The following UQCRC2 variants were observed in gnomAD, a reference collection of about 807,000 sequenced individuals.
The protein encoded by UQCRC2 is ubiquinol-cytochrome c reductase core protein 2.
A neutral mutation model predicts 55.6 loss-of-function variants in UQCRC2; 49 were observed. That is an observed-to-expected ratio of 0.88 (90% CI 0.70 to 1.12). The LOEUF (loss-of-function observed/expected upper bound fraction) is 1.12. Among genes scored for constraint, UQCRC2 ranks in the 50% most tolerant of loss-of-function variants. The pLI is 0.00. For missense variants in UQCRC2, 506 were observed against 547.8 expected (o/e 0.92, Z 0.76); for synonymous variants, 193 against 192.0 (o/e 1.01, Z -0.04).
At chr16:21,969,308 C>T (rs771433345) in intron 8 of UQCRC2, among the ~76,000 whole-genome samples, 13 of 151,982 alleles carry the variant, frequency 8.6e-5, no homozygotes, top group East Asian at 3.9e-4. Context: ...CTGAGGCGGG[C>T]GGATCACCTG....
rs764691789 is a variant in UQCRC2, at chr16:21,976,256, AT to A, written c.1124+15del. On this transcript the variant is annotated intron_variant, in intron 12 of 13. Coordinates refer to ENST00000268379, the MANE Select transcript of UQCRC2 (RefSeq NM_003366.4). ...TCCAAGCTGCCAAGTAAGTCTCAGT[AT>A]TAACTGTGTTTTATGTTTTTGTTAT... 1 of 1,598,498 alleles carries A rather than the reference AT, an allele frequency of 6.3e-7. No individual in the cohort carries two copies. The highest frequency in any genetic ancestry group is 2.2e-5 in the East Asian group (1 of 44,776).
rs202168192 is a variant in UQCRC2 at position 21,962,883 on chromosome 16, C to T, written c.512C>T (p.Thr171Ile). The change falls in exon 6 of 14, where the codon ACT becomes ATT. Residue 171 changes from threonine to isoleucine, a missense_variant and splice_region_variant. Transcript: ENST00000268379. Reference sequence around the variant, plus strand: ...GCTGTGGCCTTTCAGAATCCGCAGACTCGTAAGTACATTTCCAGATCACAT... The same window carrying T: ...GCTGTGGCCTTTCAGAATCCGCAGATTCGTAAGTACATTTCCAGATCACAT... ...DKAVAFQNPQ[T>I]HVIENLHAAA... The T allele has an allele frequency of 6.2e-7, 1 of 1,613,712 alleles. No individual in the cohort carries two copies. Among genetic ancestry groups the T allele is most frequent in the African/African-American group, 1.3e-5 (1 of 75,002 alleles).
At chr16:21,955,857 C>T (rs1248655306) in intron 1 of UQCRC2, among the ~76,000 whole-genome samples, 1 of 151,722 alleles carries the variant, frequency 6.6e-6, no homozygotes. Flanking sequence ...CGGAGTTTTG[C>T]TCTTGTTGCC....
chr16:21,976,062 G>A, intron 11 of UQCRC2, 105 bp from the exon 12 acceptor site: 1 of 720,572 alleles, frequency 1.4e-6, no homozygotes, highest in South Asian at 1.7e-5. Flanking sequence ...TGTTTGTCTG[G>A]AACTAACCTT....
At chr16:21,969,782 A>G (rs1197075222) in intron 8 of UQCRC2, among the ~76,000 whole-genome samples, 1 of 152,064 alleles carries the variant, frequency 6.6e-6, no homozygotes, top group East Asian at 1.9e-4. Context: ...GGGTGTGTTC[A>G]TCATCCCCCC....
intron 13 of UQCRC2, 119 bp from the exon 14 acceptor site, chr16:21,982,963 CAAAAAA>C: frequency 5.6e-4 from 299 of 529,222 alleles, no homozygotes; most frequent in East Asian, 1.0e-3. Context: ...GACTCCACCT[CAAAAAA>C]AAAAAAAAAA....
chr16:21,972,876 C>T (rs375620521), intron 10 of UQCRC2, among the ~76,000 whole-genome samples: 5 of 152,112 alleles, frequency 3.3e-5, no homozygotes, highest in African/African-American at 7.2e-5. Context: ...CCAAGTTGGG[C>T]GGATCACAAG....
intron 1 of UQCRC2, among the ~76,000 whole-genome samples, chr16:21,954,991 G>A (rs1361042720): frequency 1.4e-5 from 2 of 142,244 alleles, no homozygotes; most frequent in South Asian, 4.3e-4. Flanking sequence ...GGAGGCGGAG[G>A]TTGCAGTGAG....
intron 13 of UQCRC2, 32 bp from the exon 14 acceptor site, chr16:21,983,056 G>C (rs778356009): frequency 6.3e-7 from 1 of 1,595,570 alleles, no homozygotes; most frequent in African/African-American, 1.4e-5. Context: ...TTTTATTTTT[G>C]TTAATTTTGT....
intron 4 of UQCRC2, among the ~76,000 whole-genome samples, chr16:21,961,626 TTATA>T (rs67999727): frequency 0.03 from 1,935 of 64,306 alleles, 56 homozygotes; most frequent in Non-Finnish European, 0.057. Flanking sequence ...AACATAAAAT[TTATA>T]TATATATATA....
intron 10 of UQCRC2, 150 bp from the exon 11 acceptor site, chr16:21,973,746 A>G: frequency 1.5e-6 from 1 of 664,382 alleles, no homozygotes; most frequent in Admixed American, 3.1e-5. Context: ...TTTACAGAAT[A>G]CTTCAGTTCG....
At chr16:21,954,918 G>A (rs551564950) in intron 1 of UQCRC2, among the ~76,000 whole-genome samples, 1 of 151,692 alleles carries the variant, frequency 6.6e-6, no homozygotes, top group Non-Finnish European at 1.5e-5. Context: ...CGGGCGTGGT[G>A]GTGGTGGGCG....
intron 11 of UQCRC2, 42 bp from the exon 12 acceptor site, chr16:21,976,125 T>A: frequency 7.0e-7 from 1 of 1,430,018 alleles, no homozygotes; most frequent in Non-Finnish European, 9.9e-7. Context: ...CAGGAGACTC[T>A]GGTACTGACC....
intron 6 of UQCRC2, 64 bp from the exon 7 acceptor site, chr16:21,965,344 G>A (rs1898300329): frequency 1.3e-6 from 2 of 1,506,610 alleles, no homozygotes. Context: ...TGCTTTCTAG[G>A]TTTTAAAAAT....
Position 21,962,451 on chromosome 16 carries a change from C to A in UQCRC2, c.333-9C>A. 6.2e-7 allele frequency: 1 copy of A among 1,614,056 alleles called. No homozygotes were observed. Among genetic ancestry groups the A allele is most frequent in the Non-Finnish European group, 8.5e-7 (1 of 1,179,952 alleles). On this transcript the variant is annotated splice_polypyrimidine_tract_variant and intron_variant, in intron 4 of 13. Coordinates refer to ENST00000268379, the MANE Select transcript of UQCRC2 (RefSeq NM_003366.4). The stretch of plus-strand genomic sequence containing the variant: ...CAGATGATTTACTCTAGTTTATTTT[C>A]CGATTCAGTGTGACCGCAACAAGGG...
chr16:21,955,988 G>A lies in UQCRC2; in HGVS notation c.34-1247G>A, dbSNP rs1898080543. 3.3e-5 allele frequency among the ~76,000 whole-genome samples: 5 copies of A among 151,986 alleles called. No homozygotes were observed. In the South Asian group the frequency reaches 1.0e-3, roughly 32 times the overall value. On this transcript the variant is annotated intron_variant, in intron 1 of 13. Transcript: ENST00000268379. ...TTACAGGCATGCATCACCACGCCCCGCTTATTTTGTGTTTTTATTAGAGAT... is the reference window on the plus strand; with the variant it reads ...TTACAGGCATGCATCACCACGCCCCACTTATTTTGTGTTTTTATTAGAGAT...
rs752812494 is a variant in UQCRC2 at position 21,968,677 on chromosome 16, T to C, written c.662T>C (p.Ile221Thr). The change falls in exon 8 of 14, where the codon ATT (isoleucine) becomes ACT (threonine). Residue 221 changes from isoleucine to threonine, a missense_variant. Transcript: ENST00000268379. ...TTCACAAGTGCAAGAATGGCTTTGA[T>C]TGGACTTGGTAAGTTTAGAGTATTG... ...NHFTSARMAL[I>T]GLGVSHPVLK... 9 of 1,609,642 alleles carry C rather than the reference T, an allele frequency of 5.6e-6. No individual in the cohort carries two copies. The East Asian group carries it at 9.0e-5, about 16-fold the overall frequency.
intron 13 of UQCRC2, among the ~76,000 whole-genome samples, chr16:21,982,749 G>T (rs1898763247): frequency 6.6e-6 from 1 of 152,154 alleles, no homozygotes; most frequent in Admixed American, 6.5e-5. Flanking sequence ...TGGATCACTT[G>T]AGGCTAGGAG....
chr16:21,963,958 T>C (rs1379551993), intron 6 of UQCRC2, among the ~76,000 whole-genome samples: 1 of 152,250 alleles, frequency 6.6e-6, no homozygotes, highest in Admixed American at 6.5e-5. Context: ...GTTTATATAA[T>C]GTCTAATTAT....
Sources: allele counts gnomAD v4.1 joint callset (sites outside exome capture counted in the v4.1 genomes callset), GRCh38; gene constraint gnomAD v4.1.1; transcripts MANE v1.5; gene names NCBI Gene and HGNC (gene_info 2026-07-23, HGNC 2026-07-21).